The following C10orf143 variants were observed in gnomAD, a reference collection of about 807,000 sequenced individuals.
C10orf143 encodes uncharacterized protein C10orf143.
chr10:130,091,889 C>T (rs951977816), intron 1 of C10orf143, among the ~76,000 whole-genome samples: 2 of 151,996 alleles, frequency 1.3e-5, no homozygotes, highest in Admixed American at 6.6e-5. Flanking sequence ...AGGAATGAAC[C>T]AAGCCTCCAA....
intron 1 of C10orf143, among the ~76,000 whole-genome samples, chr10:130,103,279 G>A (rs1861588132): frequency 6.6e-6 from 1 of 152,072 alleles, no homozygotes; most frequent in African/African-American, 2.4e-5. Context: ...ACGCACAGCT[G>A]AGTCTTGATT....
At chr10:130,049,817 CAATT>C (rs1321528964) in intron 3 of C10orf143, among the ~76,000 whole-genome samples, 1 of 152,068 alleles carries the variant, frequency 6.6e-6, no homozygotes, top group Non-Finnish European at 1.5e-5. Context: ...ACCAAAATAA[CAATT>C]AGGGAGATTT....
At chr10:130,039,907 G>A (rs773735340) in intron 3 of C10orf143, among the ~76,000 whole-genome samples, 13 of 152,168 alleles carry the variant, frequency 8.5e-5, no homozygotes, top group Non-Finnish European at 1.6e-4. Flanking sequence ...TAGGGACGTG[G>A]CAAATCACAC....
rs1180252635 is a variant in C10orf143 at position 130,056,906 on chromosome 10, T to TTATACAGAG, written c.298-20945_298-20937dup. On this transcript the variant is annotated intron_variant and NMD_transcript_variant, in intron 3 of 5. Transcript: ENST00000643056. The surrounding 1 kb of genome is among the most constrained non-coding windows in gnomAD (Gnocchi z 4.6). Reference sequence around the variant, plus strand: ...GTGCCCGGCCAGTTGCTTTCATTTTTTATACAGAGTCTCACTGTGTCTCCC... The same window carrying TTATACAGAG: ...GTGCCCGGCCAGTTGCTTTCATTTTTTATACAGAGTATACAGAGTCTCACTGTGTCTCCC... 6.6e-6 allele frequency among the ~76,000 whole-genome samples: 1 copy of TTATACAGAG among 151,692 alleles called. No individual in the cohort carries two copies. The highest frequency in any genetic ancestry group is 1.5e-5 in the Non-Finnish European group (1 of 67,946).
chr10:130,046,247 C>T (rs1860671129), intron 3 of C10orf143, among the ~76,000 whole-genome samples: 1 of 151,810 alleles, frequency 6.6e-6, no homozygotes, highest in Admixed American at 6.6e-5. Flanking sequence ...CGGCGTGGGA[C>T]ACGAGGGACG....
intron 4 of C10orf143, among the ~76,000 whole-genome samples, chr10:130,035,570 C>A (rs192480437): frequency 4.1e-4 from 63 of 152,212 alleles, no homozygotes; most frequent in Admixed American, 7.8e-4. Context: ...AGCAACTCCC[C>A]AGGCATCAGT....
At chr10:130,044,287 T>A (rs1435257193) in intron 3 of C10orf143, among the ~76,000 whole-genome samples, 1 of 152,080 alleles carries the variant, frequency 6.6e-6, no homozygotes, top group African/African-American at 2.4e-5. Context: ...AGCTGGGAAC[T>A]GGAGGTGAGA....
chr10:130,091,642 C>T (rs1861384041), intron 1 of C10orf143, among the ~76,000 whole-genome samples: 1 of 152,072 alleles, frequency 6.6e-6, no homozygotes, highest in Non-Finnish European at 1.5e-5. Context: ...CATGTTTTAA[C>T]CCAATGTAAG....
Position 130,056,030 on chromosome 10 carries a change from T to G in C10orf143, c.298-20060A>C, listed in dbSNP as rs951232205. ...CAGAAGAGTGATGAAATAGATCATT[T>G]TAACTGAAAAATGCATTGGTGGCTG... On this transcript the variant is annotated intron_variant and NMD_transcript_variant, in intron 3 of 5. Transcript: ENST00000643056. This position sits in a 1 kb window ranked among gnomAD's most constrained non-coding sequence, Gnocchi z 4.6. Among the ~76,000 whole-genome samples the G allele has an allele frequency of 6.6e-6, 1 of 151,618 alleles. No homozygotes were observed. The highest frequency in any genetic ancestry group is 2.4e-5 in the African/African-American group (1 of 41,264).
intron 3 of C10orf143, among the ~76,000 whole-genome samples, chr10:130,040,830 GA>G (rs35399028): frequency 3.3e-3 from 460 of 141,444 alleles, no homozygotes; most frequent in East Asian, 0.02. Context: ...CTCAAAAAAA[GA>G]AAAAAAAAAA....
At chr10:130,079,062 GA>G (rs1437277592) in intron 3 of C10orf143, among the ~76,000 whole-genome samples, 3 of 148,184 alleles carry the variant, frequency 2.0e-5, no homozygotes, top group African/African-American at 7.3e-5. Context: ...CTGCCCAGTA[GA>G]AGAGACTGAG....
At chr10:130,075,852 T>C (rs1253631639) in intron 3 of C10orf143, among the ~76,000 whole-genome samples, 1 of 152,190 alleles carries the variant, frequency 6.6e-6, no homozygotes, top group Non-Finnish European at 1.5e-5. Context: ...ACCAGGATTG[T>C]AAGTTTCCTG....
At chr10:130,086,123 TA>T (rs1470432302) in intron 1 of C10orf143, among the ~76,000 whole-genome samples, 6 of 152,204 alleles carry the variant, frequency 3.9e-5, no homozygotes, top group Non-Finnish European at 8.8e-5. Context: ...CAATGCCATG[TA>T]ACTAGCAGAG....
At position 130,065,638 on chromosome 10, in the gene C10orf143, TCA is replaced by T. The variant is rs1860919780; in HGVS notation, c.298-1257_298-1256del. On this transcript the variant is annotated intron_variant, in intron 3 of 3. Coordinates refer to ENST00000637128, the MANE Select transcript of C10orf143 (RefSeq NM_001355042.2). This position sits in a 1 kb window ranked among gnomAD's most constrained non-coding sequence, Gnocchi z 4.2. ...TGCGCTTCCCAGAATATTCCCAGAA[TCA>T]CATGTGTAGCAGGTATCCCTTTACA... 6.6e-6 allele frequency: 1 copy of T among 152,204 alleles called. No homozygotes were observed. The highest frequency in any genetic ancestry group is 1.5e-5 in the Non-Finnish European group (1 of 68,062). 9.4% of individuals were successfully genotyped at this position (152,204 alleles called of 1,614,324 possible).
rs1046526969 is a variant in C10orf143, at chr10:130,039,930, G to C, written c.298-3960C>G. 3.3e-5 allele frequency among the ~76,000 whole-genome samples: 5 copies of C among 152,300 alleles called. No homozygotes were observed. In the East Asian group the frequency reaches 7.7e-4, roughly 24 times the overall value. On this transcript the variant is annotated intron_variant and NMD_transcript_variant, in intron 3 of 5. Coordinates refer to the C10orf143 transcript ENST00000643056. ...TGGCAAATCACACAGCAATGTGCAG[G>C]GTTTGGGATAAGAAACTGGCCAGCC...
At chr10:130,093,883 A>ACC (rs377353744) in intron 1 of C10orf143, among the ~76,000 whole-genome samples, 127 of 151,736 alleles carry the variant, frequency 8.4e-4, no homozygotes, top group African/African-American at 2.9e-3. Context: ...AGTGGCGGGC[A>ACC]CCTGTAGTCC....
At chr10:130,087,597 T>C (rs1374806669) in intron 1 of C10orf143, among the ~76,000 whole-genome samples, 1 of 152,180 alleles carries the variant, frequency 6.6e-6, no homozygotes, top group Non-Finnish European at 1.5e-5. Context: ...AACCATTTGT[T>C]GAGGGGGACT....
At chr10:130,044,240 G>C (rs995681697) in intron 3 of C10orf143, among the ~76,000 whole-genome samples, 2 of 152,174 alleles carry the variant, frequency 1.3e-5, no homozygotes, top group African/African-American at 4.8e-5. Flanking sequence ...AAAAGTGACC[G>C]AGACATTTGA....
chr10:130,103,047 C>T (rs1250873587), intron 1 of C10orf143, among the ~76,000 whole-genome samples: 4 of 151,396 alleles, frequency 2.6e-5, no homozygotes, highest in South Asian at 2.1e-4. Flanking sequence ...GGTGCGATCT[C>T]GGCTCACTGC....
Sources: gnomAD v4.1 joint callset for allele counts (sites outside exome capture counted in the v4.1 genomes callset) on GRCh38, gnomAD v4.1.1 for gene constraint, Gnocchi (gnomAD v3.1) non-coding constraint, MANE v1.5 for transcripts, NCBI Gene and HGNC (gene_info 2026-07-23, HGNC 2026-07-21) for gene names.